GIMAP2: variants seen among roughly 807,000 people sequenced by gnomAD.
The protein encoded by GIMAP2 is GTPase IMAP family member 2.
GIMAP2 carries 22 observed loss-of-function variants against 25.5 expected under a neutral mutation model. The observed-to-expected ratio is 0.86, with a 90% CI of 0.62 to 1.23. GIMAP2 has a LOEUF of 1.23. GIMAP2 is among the 50% of genes most tolerant of loss of function. The pLI, the probability that GIMAP2 is intolerant of heterozygous loss-of-function variation, is 0.00. For synonymous variants in GIMAP2, 167 were observed against 143.0 expected (o/e 1.17, Z -1.20); for missense variants, 422 against 395.7 (o/e 1.07, Z -0.56).
intron 2 of GIMAP2, among the ~76,000 whole-genome samples, chr7:150,690,188 T>A (rs1279971491): frequency 1.3e-5 from 2 of 152,174 alleles, no homozygotes; most frequent in African/African-American, 4.8e-5. Flanking sequence ...CCAGAGTTGC[T>A]ACAAGAGACA....
chr7:150,688,775 C>T (rs757257164), intron 2 of GIMAP2, among the ~76,000 whole-genome samples: 2 of 152,184 alleles, frequency 1.3e-5, no homozygotes, highest in East Asian at 1.9e-4. Flanking sequence ...TAGTCCTCAC[C>T]GCCATCCCAT....
rs763748441 is a variant in GIMAP2 at position 150,693,252 on chromosome 7, AT to A, written c.971del (p.Leu324Ter). 6.3e-7 allele frequency: 1 copy of A among 1,597,236 alleles called. No individual in the cohort carries two copies. The highest frequency in any genetic ancestry group is 1.1e-5 in the South Asian group (1 of 89,824). On this transcript the variant is annotated frameshift_variant, in exon 3 of 3. Transcript: ENST00000223293. LOFTEE classifies it high-confidence loss of function. ...LFIIPKKLMI[F>X]LRTVIRLERK... ...TTATTATACCCAAAAAGTTAATGAT[AT>A]TTTTGAGAACAGTTATTAGACTAGA...
chr7:150,688,143 G>A (rs2241021), intron 2 of GIMAP2, among the ~76,000 whole-genome samples: 45,060 of 151,934 alleles, frequency 0.3, 7,383 homozygotes, highest in African/African-American at 0.45. Flanking sequence ...TGGTTGCGGG[G>A]TGGAGGGAAT....
At position 150,693,307 on chromosome 7, in the gene GIMAP2, A is replaced by T; in HGVS notation, c.*7A>T. The T allele has an allele frequency of 6.6e-7, 1 of 1,517,548 alleles. No individual in the cohort carries two copies. The highest frequency in any genetic ancestry group is 8.8e-7 in the Non-Finnish European group (1 of 1,134,610). The allele number at this position is 1,517,548 out of a possible 1,614,324, so 94.0% of individuals were successfully genotyped here. A position where few individuals can be genotyped will look rare whatever the true frequency, so the allele number is the denominator to read the frequency against. ...CAAGACTCCTAGGTTATAGTTACAG[A>T]TCCCAGTTATTATTTACTCACTATC... On this transcript the variant is annotated 3_prime_UTR_variant, in exon 3 of 3. Transcript: ENST00000223293.
chr7:150,693,519 C>A lies in GIMAP2; in HGVS notation c.*219C>A. On this transcript the variant is annotated 3_prime_UTR_variant, in exon 3 of 3. Coordinates refer to ENST00000223293, the MANE Select transcript of GIMAP2 (RefSeq NM_015660.3). ...TGAAATCTGTAAACATAAAATTCCT[C>A]TCATTTTCAAATATCTAAAGCCAGT... 1 of 428,022 alleles carries A rather than the reference C, an allele frequency of 2.3e-6. No individual in the cohort carries two copies. The highest frequency in any genetic ancestry group is 4.1e-6 in the Non-Finnish European group (1 of 242,832). The allele number at this position is 428,022 out of a possible 1,614,324, so 26.5% of individuals were successfully genotyped here.
Position 150,687,049 on chromosome 7 carries a change from C to A in GIMAP2, c.-8-3C>A. On this transcript the variant is annotated splice_polypyrimidine_tract_variant and splice_region_variant and intron_variant, in intron 1 of 2. Coordinates refer to ENST00000223293, the MANE Select transcript of GIMAP2 (RefSeq NM_015660.3). ...ATAAGTTTCTTGTCTCTCTGTTTCT[C>A]AGGAACACCAATGGACCAAAATGAA... 3.7e-6 allele frequency: 6 copies of A among 1,604,364 alleles called. No individual in the cohort carries two copies. Among genetic ancestry groups the A allele is most frequent in the Non-Finnish European group, 5.1e-6 (6 of 1,172,106 alleles).
rs1178744740 is a variant in GIMAP2 at position 150,692,982 on chromosome 7, A to G, written c.696A>G (p.Ser232=). The change falls in exon 3 of 3, where the codon TCA becomes TCG. Residue 232 remains serine (S), a synonymous_variant. Transcript: ENST00000223293. ...GGTCTAAATGTGGACCTGTGGGATC[A>G]GATGAAAGAGTAAAGGAATTCAAAC... ...IQRSKCGPVG[S]DERVKEFKQS... is the part of the protein sequence containing the mutation. 1.9e-6 allele frequency: 3 copies of G among 1,613,818 alleles called. No homozygotes were observed. Among genetic ancestry groups the G allele is most frequent in the Non-Finnish European group, 2.5e-6 (3 of 1,179,764 alleles).
chr7:150,690,974 T>C (rs143513823), intron 2 of GIMAP2, among the ~76,000 whole-genome samples: 1 of 152,344 alleles, frequency 6.6e-6, no homozygotes, highest in Non-Finnish European at 1.5e-5. Context: ...CTTCTCCAAC[T>C]TTCTCTCTGC....
At position 150,693,280 on chromosome 7, in the gene GIMAP2, C is replaced by T. The variant is rs535499408; in HGVS notation, c.994C>T (p.Arg332Cys). The T allele has an allele frequency of 2.8e-5, 44 of 1,576,126 alleles. No individual in the cohort carries two copies. The highest frequency in any genetic ancestry group is 1.6e-4 in the Admixed American group (9 of 57,358). Residue 332 changes from arginine (R) to cysteine (C), a missense_variant, in exon 3 of 3, where the codon CGC (arginine) becomes TGC (cysteine). By Grantham distance (180) the Arg-to-Cys change is radical (BLOSUM62 -3). Transcript: ENST00000223293. ...TTTGAGAACAGTTATTAGACTAGAA[C>T]GCAAGACTCCTAGGTTATAGTTACA... ...IFLRTVIRLERKTPRL is the reference protein window; with the variant it reads ...IFLRTVIRLECKTPRL
chr7:150,692,212 G>A lies in GIMAP2; in HGVS notation c.29-103G>A, dbSNP rs1214894375. On this transcript the variant is annotated intron_variant, in intron 2 of 2. Coordinates refer to ENST00000223293, the MANE Select transcript of GIMAP2 (RefSeq NM_015660.3). ...TGCACTCCAGCCTGGGCGACAGAGC[G>A]AGACTCCGTCTCAAAAAAAAAAGAA... 35 of 1,147,740 alleles carry A rather than the reference G, an allele frequency of 3.0e-5. No homozygotes were observed. In the East Asian group the frequency reaches 5.4e-4, roughly 18 times the overall value. 71.1% of individuals were successfully genotyped at this position (1,147,740 alleles called of 1,614,324 possible). A position where few individuals can be genotyped will look rare whatever the true frequency, so the allele number is the denominator to read the frequency against.
Position 150,692,736 on chromosome 7 carries a change from C to G in GIMAP2, c.450C>G (p.Asp150Glu), listed in dbSNP as rs762317176. The part of the protein sequence containing the change: ...HTIVLFTHKE[D>E]LNGGSLMDYM... ...TTGTCCTCTTTACCCACAAGGAAGA[C>G]CTCAATGGTGGCTCCCTGATGGATT... Residue 150 changes from aspartate to glutamate, a missense_variant, in exon 3 of 3, where the codon GAC becomes GAG. Asp to Glu is a conservative substitution (Grantham distance 45). Transcript: ENST00000223293. The G allele has an allele frequency of 1.2e-6, 2 of 1,614,146 alleles. No homozygotes were observed. The highest frequency in any genetic ancestry group is 2.2e-5 in the South Asian group (2 of 91,084).
Position 150,692,917 on chromosome 7 carries a change from G to A in GIMAP2, c.631G>A (p.Gly211Ser). The A allele has an allele frequency of 6.2e-7, 1 of 1,614,186 alleles. No individual in the cohort carries two copies. The highest frequency in any genetic ancestry group is 8.5e-7 in the Non-Finnish European group (1 of 1,180,026). ...CIEDLLMEKNGDHYTNGLYSL... is the reference protein window; with the variant it reads ...CIEDLLMEKNSDHYTNGLYSL... ...TGAGGATCTGTTGATGGAGAAAAAT[G>A]GTGATCACTATACCAATGGGTTGTA... The change falls in exon 3 of 3, where the codon GGT (glycine) becomes AGT (serine). Residue 211 changes from glycine (G) to serine (S), a missense_variant. Transcript: ENST00000223293.
Position 150,693,311 on chromosome 7 carries a change from C to A in GIMAP2, c.*11C>A, listed in dbSNP as rs1260112415. ...ACTCCTAGGTTATAGTTACAGATCC[C>A]AGTTATTATTTACTCACTATCATTT... On this transcript the variant is annotated 3_prime_UTR_variant, in exon 3 of 3. Coordinates refer to ENST00000223293, the MANE Select transcript of GIMAP2 (RefSeq NM_015660.3). The A allele has an allele frequency of 6.6e-7, 1 of 1,509,382 alleles. No individual in the cohort carries two copies. Among genetic ancestry groups the A allele is most frequent in the African/African-American group, 1.4e-5 (1 of 72,124 alleles). 93.5% of individuals were successfully genotyped at this position (1,509,382 alleles called of 1,614,324 possible).
intron 2 of GIMAP2, among the ~76,000 whole-genome samples, chr7:150,689,221 C>T (rs1479432254): frequency 6.6e-6 from 1 of 152,248 alleles, no homozygotes; most frequent in South Asian, 2.1e-4. Flanking sequence ...ATTCTCTTCA[C>T]TTTGCTGCAC....
At chr7:150,689,328 G>A (rs1388862761) in intron 2 of GIMAP2, among the ~76,000 whole-genome samples, 1 of 152,188 alleles carries the variant, frequency 6.6e-6, no homozygotes, top group Non-Finnish European at 1.5e-5. Context: ...ATATTTATGA[G>A]TGGATGATTT....
intron 2 of GIMAP2, among the ~76,000 whole-genome samples, chr7:150,691,317 A>G (rs1796963655): frequency 6.6e-6 from 1 of 152,062 alleles, no homozygotes; most frequent in Non-Finnish European, 1.5e-5. Context: ...TTCCCCTTTT[A>G]TGTGTCTGAA....
rs188076216 is a variant in GIMAP2, at chr7:150,688,969, C to A, written c.28+1882C>A. 4.5e-3 allele frequency among the ~76,000 whole-genome samples: 680 copies of A among 152,342 alleles called. 55 individuals carry two copies. The South Asian group carries it at 0.14, about 30-fold the overall frequency. The stretch of plus-strand genomic sequence containing the variant: ...ATTGCACTCCGCTTGCCATACAAGG[C>A]AGGCCTTTGGACAGGGCCTCATCAA... On this transcript the variant is annotated intron_variant, in intron 2 of 2. Coordinates refer to ENST00000223293, the MANE Select transcript of GIMAP2 (RefSeq NM_015660.3).
At chr7:150,690,180 A>G (rs1032212885) in intron 2 of GIMAP2, among the ~76,000 whole-genome samples, 10 of 152,200 alleles carry the variant, frequency 6.6e-5, no homozygotes, top group Admixed American at 5.2e-4. Flanking sequence ...GCTAAACCCC[A>G]GAGTTGCTAC....
Position 150,692,668 on chromosome 7 carries a change from A to G in GIMAP2, c.382A>G (p.Arg128Gly), listed in dbSNP as rs1369563435. 6.2e-7 allele frequency: 1 copy of G among 1,614,216 alleles called. No homozygotes were observed. The highest frequency in any genetic ancestry group is 2.2e-5 in the East Asian group (1 of 44,884). Residue 128 changes from arginine (R) to glycine (G), a missense_variant, in exon 3 of 3, where the codon AGG becomes GGG. Physicochemically the swap from Arg to Gly is moderately radical, Grantham distance 125. Transcript: ENST00000223293. ...CTCACAGGACCAGCAGGCTGCACAG[A>G]GGGTGAAGGAGATCTTTGGAGAGGA... ...YTSQDQQAAQ[R>G]VKEIFGEDAM...
Sources: allele counts gnomAD v4.1 joint callset (sites outside exome capture counted in the v4.1 genomes callset), GRCh38; gene constraint gnomAD v4.1.1; transcripts MANE v1.5; gene names NCBI Gene and HGNC (gene_info 2026-07-23, HGNC 2026-07-21).